Variants in CSRNP3 observed in about 807,000 individuals in gnomAD.
The protein encoded by CSRNP3 is cysteine and serine rich nuclear protein 3, also known as cysteine/serine-rich nuclear protein 3.
In CSRNP3, 12 loss-of-function variants were observed where a neutral mutation model predicts 48.0. The observed-to-expected ratio is 0.25, with a 90% confidence interval of 0.16 to 0.41. The LOEUF is 0.41. Among genes scored for constraint, CSRNP3 ranks in the 10% least tolerant of loss-of-function variants. The pLI is 1.00. For missense variants in CSRNP3, 580 were observed against 724.4 expected (o/e 0.80, Z 2.29); for synonymous variants, 263 against 269.7 (o/e 0.98, Z 0.24).
chr2:165,543,207 A>T (rs1229253531), intron 3 of CSRNP3, among the ~76,000 whole-genome samples: 3 of 152,162 alleles, frequency 2.0e-5, no homozygotes, highest in Non-Finnish European at 2.9e-5. Context: ...ATCTATCTGG[A>T]CTGCAGAGCT....
intron 3 of CSRNP3, among the ~76,000 whole-genome samples, chr2:165,528,442 T>G (rs1684768651): frequency 6.6e-6 from 1 of 152,222 alleles, no homozygotes; most frequent in South Asian, 2.1e-4. Context: ...TCTAGTGCAG[T>G]TACTGTTTCA....
At chr2:165,546,396 T>C (rs979413125) in intron 3 of CSRNP3, among the ~76,000 whole-genome samples, 4 of 152,122 alleles carry the variant, frequency 2.6e-5, no homozygotes, top group Non-Finnish European at 4.4e-5. Flanking sequence ...TTTCACCATG[T>C]TGGCCAGGCT....
chr2:165,564,616 A>G lies in CSRNP3; in HGVS notation c.-23-30427A>G, dbSNP rs552432324. Among the ~76,000 whole-genome samples, 7 of 152,028 alleles carry G rather than the reference A, an allele frequency of 4.6e-5. No individual in the cohort carries two copies. In the South Asian group the frequency reaches 6.2e-4, roughly 14 times the overall value. The stretch of plus-strand genomic sequence containing the variant: ...TTATATTTCTCCCTAGTCTTTTTCT[A>G]TACCTATTAGGTGTCATCGTATTTG... On this transcript the variant is annotated intron_variant, in intron 3 of 6. Coordinates refer to ENST00000651982, the MANE Select transcript of CSRNP3 (RefSeq NM_001172173.2).
At chr2:165,627,566 T>C (rs572304414) in intron 4 of CSRNP3, among the ~76,000 whole-genome samples, 297 of 152,296 alleles carry the variant, frequency 2.0e-3, no homozygotes, top group African/African-American at 6.8e-3. Context: ...TCTCTCGTCA[T>C]TGCATCCATT....
intron 3 of CSRNP3, among the ~76,000 whole-genome samples, chr2:165,546,746 T>A (rs940208481): frequency 6.6e-6 from 1 of 152,236 alleles, no homozygotes; most frequent in African/African-American, 2.4e-5. Context: ...AAATAATAGA[T>A]ACATATCTTT....
In CSRNP3 at chr2:165,522,298, TCAAA is replaced by T. The variant is rs141311752; in HGVS notation, c.-24+4358_-24+4361del. On this transcript the variant is annotated intron_variant, in intron 3 of 6. Transcript: ENST00000651982. ...CTGGGTGACAGAGTGAGGCCTTGTC[TCAAA>T]CAAACAAACAAACAAACAAAAAACC... Among the ~76,000 whole-genome samples the T allele has an allele frequency of 5.0e-3, 760 of 151,358 alleles. 17 individuals are homozygous for T. The highest frequency in any genetic ancestry group is 0.038 in the East Asian group (193 of 5,106).
At chr2:165,540,561 C>T (rs1684942734) in intron 3 of CSRNP3, among the ~76,000 whole-genome samples, 1 of 152,086 alleles carries the variant, frequency 6.6e-6, no homozygotes, top group South Asian at 2.1e-4. Flanking sequence ...AAGTCAGCTT[C>T]TCTTCACTAT....
intron 3 of CSRNP3, among the ~76,000 whole-genome samples, chr2:165,528,885 C>T (rs1219368335): frequency 1.3e-5 from 2 of 152,174 alleles, no homozygotes; most frequent in East Asian, 3.9e-4. Context: ...CCCATTCCTT[C>T]CAAGCTGGGG....
At position 165,684,136 on chromosome 2, in the gene CSRNP3, C is replaced by G. The variant is rs1017628482; in HGVS notation, c.*4383C>G. 9.2e-5 allele frequency: 14 copies of G among 152,206 alleles called. No individual in the cohort carries two copies. Among genetic ancestry groups the G allele is most frequent in the Admixed American group, 7.2e-4 (11 of 15,256 alleles). The allele number at this position is 152,206 out of a possible 1,614,324, so 9.4% of individuals were successfully genotyped here. A position where few individuals can be genotyped will look rare whatever the true frequency, so the allele number is the denominator to read the frequency against. Reference sequence around the variant, plus strand: ...GACAACAGTGTGGAACACAATCACTCTTACTTCTATTTATAAAAAGCCTAT... The same window carrying G: ...GACAACAGTGTGGAACACAATCACTGTTACTTCTATTTATAAAAAGCCTAT... On this transcript the variant is annotated 3_prime_UTR_variant, in exon 7 of 7. Transcript: ENST00000651982.
chr2:165,494,509 G>A (rs1237077370), intron 1 of CSRNP3, among the ~76,000 whole-genome samples: 1 of 152,030 alleles, frequency 6.6e-6, no homozygotes, highest in East Asian at 1.9e-4. Context: ...ATCTCCTTAT[G>A]CAGCAAATAT....
chr2:165,541,610 G>A (rs191060249), intron 3 of CSRNP3, among the ~76,000 whole-genome samples: 4 of 152,180 alleles, frequency 2.6e-5, no homozygotes, highest in East Asian at 3.9e-4. Flanking sequence ...GGATACAAAG[G>A]TGAATTAGAT....
At chr2:165,531,150 T>C (rs757720183) in intron 3 of CSRNP3, among the ~76,000 whole-genome samples, 6 of 152,154 alleles carry the variant, frequency 3.9e-5, no homozygotes, top group Non-Finnish European at 7.4e-5. Context: ...TGTATACTTA[T>C]TGTCTACATA....
intron 2 of CSRNP3, among the ~76,000 whole-genome samples, chr2:165,509,155 GA>G (rs1684467082): frequency 6.6e-6 from 1 of 152,094 alleles, no homozygotes; most frequent in Non-Finnish European, 1.5e-5. Flanking sequence ...CATCAAGATG[GA>G]TAATAACTAA....
intron 3 of CSRNP3, among the ~76,000 whole-genome samples, chr2:165,525,626 C>T (rs1416233783): frequency 1.3e-5 from 2 of 151,436 alleles, no homozygotes; most frequent in Non-Finnish European, 2.9e-5. Context: ...GCTGGGACTA[C>T]AGGCGTGTGA....
chr2:165,671,623 G>A (rs1687332707), intron 5 of CSRNP3, among the ~76,000 whole-genome samples: 1 of 152,332 alleles, frequency 6.6e-6, no homozygotes, highest in Non-Finnish European at 1.5e-5. Flanking sequence ...CTCTGGGACT[G>A]TAATGGGAGG....
chr2:165,501,746 T>C (rs1684362202), intron 2 of CSRNP3, among the ~76,000 whole-genome samples: 1 of 152,132 alleles, frequency 6.6e-6, no homozygotes, highest in African/African-American at 2.4e-5. Context: ...ATAACGTGAG[T>C]CAACTGAAAT....
At chr2:165,629,130 G>A (rs1285077052) in intron 4 of CSRNP3, among the ~76,000 whole-genome samples, 8 of 152,156 alleles carry the variant, frequency 5.3e-5, no homozygotes, top group Non-Finnish European at 1.2e-4. Context: ...ACATTTTCCA[G>A]CATATGACTG....
intron 4 of CSRNP3, among the ~76,000 whole-genome samples, chr2:165,650,513 A>C (rs556439342): frequency 6.6e-6 from 1 of 152,354 alleles, no homozygotes; most frequent in East Asian, 1.9e-4. Context: ...ATCATTGGAA[A>C]TTGATTTACT....
chr2:165,519,128 T>A (rs1261815471), intron 3 of CSRNP3, among the ~76,000 whole-genome samples: 1 of 152,088 alleles, frequency 6.6e-6, no homozygotes, highest in Non-Finnish European at 1.5e-5. Flanking sequence ...ATGATTTTTT[T>A]ATTAAATTAG....
Sources: gnomAD v4.1 joint callset for allele counts (sites outside exome capture counted in the v4.1 genomes callset) on GRCh38, gnomAD v4.1.1 for gene constraint, MANE v1.5 for transcripts, NCBI Gene and HGNC (gene_info 2026-07-23, HGNC 2026-07-21) for gene names.